The following TENT4A variants were observed in gnomAD, a reference collection of about 807,000 sequenced individuals.
TENT4A encodes the protein terminal nucleotidyltransferase 4A.
Under a neutral mutation model 72.8 loss-of-function variants are expected in TENT4A, and 7 were observed. The observed-to-expected ratio is 0.10, with a 90% CI of 0.05 to 0.18. The LOEUF is 0.18. Among genes scored for constraint, TENT4A ranks in the 10% least tolerant of loss-of-function variants. TENT4A has a pLI of 1.00. For missense variants in TENT4A, 831 were observed against 1,017.7 expected (o/e 0.82, Z 2.50); for synonymous variants, 456 against 434.3 (o/e 1.05, Z -0.62).
rs1740251642 is a variant in TENT4A, at chr5:6,714,390, C to T, written c.407C>T (p.Ala136Val). The change falls in exon 1 of 13, where the codon GCC becomes GTC. Residue 136 changes from alanine to valine, a missense_variant. By Grantham distance (64) the Ala-to-Val change is moderately conservative. Coordinates refer to ENST00000230859, the MANE Select transcript of TENT4A (RefSeq NM_006999.6). ...PGCSSSSSSS[A>V]SLGRPGGGRG... Reference sequence around the variant, plus strand: ...TGCTCGTCGTCGTCCTCCAGCAGCGCCTCGCTGGGCCGGCCGGGCGGCGGC... The same window carrying T: ...TGCTCGTCGTCGTCCTCCAGCAGCGTCTCGCTGGGCCGGCCGGGCGGCGGC... 1 of 1,134,154 alleles carries T rather than the reference C, an allele frequency of 8.8e-7. No individual in the cohort carries two copies. Among genetic ancestry groups the T allele is most frequent in the Non-Finnish European group, 1.1e-6 (1 of 926,584 alleles). The allele number at this position is 1,134,154 out of a possible 1,614,324, so 70.3% of individuals were successfully genotyped here.
intron 1 of TENT4A, among the ~76,000 whole-genome samples, chr5:6,735,539 T>C (rs181228005): frequency 1.2e-4 from 19 of 152,272 alleles, no homozygotes; most frequent in African/African-American, 4.6e-4. Flanking sequence ...TACTAAGTGG[T>C]AGGAAATTTT....
rs754031221 is a variant in TENT4A, at chr5:6,749,585, C to G, written c.1615C>G (p.Gln539Glu). 2 of 1,613,356 alleles carry G rather than the reference C, an allele frequency of 1.2e-6. No individual in the cohort carries two copies. The highest frequency in any genetic ancestry group is 2.7e-5 in the African/African-American group (2 of 74,880). The change falls in exon 9 of 13, where the codon CAG becomes GAG. Residue 539 changes from glutamine to glutamate, a missense_variant. Coordinates refer to ENST00000230859, the MANE Select transcript of TENT4A (RefSeq NM_006999.6). ...STLGRIIKVT[Q>E]EVIDYRRWIK... ...TTTAGGAAGAATCATCAAAGTAACT[C>G]AGGAGGTGATTGACTACCGGAGGTG...
At chr5:6,723,652 A>T (rs146975905) in intron 1 of TENT4A, among the ~76,000 whole-genome samples, 1 of 152,364 alleles carries the variant, frequency 6.6e-6, no homozygotes, top group Non-Finnish European at 1.5e-5. Flanking sequence ...CTAGCAACTC[A>T]TTCTACAAAC....
At position 6,746,315 on chromosome 5, in the gene TENT4A, C is replaced by T. The variant is rs146912645; in HGVS notation, c.1347C>T (p.Thr449=). The T allele has an allele frequency of 1.7e-4, 282 of 1,614,072 alleles. No homozygotes were observed. The East Asian group carries it at 2.1e-3, about 12-fold the overall frequency. ...LYGRNFNYLK[T]GIRIKEGGAY... ...GGAGAAATTTTAATTACTTGAAAACCGGTATTAGAATCAAAGAAGGAGGTG... is the reference window on the plus strand; with the variant it reads ...GGAGAAATTTTAATTACTTGAAAACTGGTATTAGAATCAAAGAAGGAGGTG... The change falls in exon 7 of 13, where the codon ACC becomes ACT. Residue 449 remains threonine (T), a synonymous_variant. Transcript: ENST00000230859.
chr5:6,748,978 G>A (rs568884729), intron 8 of TENT4A, among the ~76,000 whole-genome samples: 14 of 152,306 alleles, frequency 9.2e-5, no homozygotes, highest in African/African-American at 2.9e-4. Flanking sequence ...TCATTCTGTG[G>A]TAGTGGAAAG....
At chr5:6,746,162 C>A in intron 6 of TENT4A, 52 bp from the exon 7 acceptor site, 1 of 1,613,250 alleles carries the variant, frequency 6.2e-7, no homozygotes, top group Non-Finnish European at 8.5e-7. Flanking sequence ...GTGCTATTTT[C>A]TTTAGAACAT....
chr5:6,725,685 T>G (rs1464251895), intron 1 of TENT4A, among the ~76,000 whole-genome samples: 1 of 152,240 alleles, frequency 6.6e-6, no homozygotes, highest in Non-Finnish European at 1.5e-5. Flanking sequence ...ATCCGTGGTT[T>G]GTTTTTTAAA....
intron 11 of TENT4A, 39 bp downstream of exon 11, chr5:6,751,236 TG>T (rs1257711892): frequency 4.4e-6 from 7 of 1,608,260 alleles, no homozygotes; most frequent in Non-Finnish European, 6.0e-6. Context: ...TGGTGGCCCC[TG>T]GGAACAGCAT....
chr5:6,729,147 C>T (rs1323962751), intron 1 of TENT4A, among the ~76,000 whole-genome samples: 2 of 152,226 alleles, frequency 1.3e-5, no homozygotes, highest in East Asian at 3.8e-4. Flanking sequence ...CTGAGTGTGG[C>T]TTCCAGCTCA....
chr5:6,725,914 G>A (rs1740896749), intron 1 of TENT4A, among the ~76,000 whole-genome samples: 1 of 152,222 alleles, frequency 6.6e-6, no homozygotes, highest in South Asian at 2.1e-4. Flanking sequence ...TAGTTTCTAA[G>A]AGATACTGCT....
chr5:6,726,512 G>A (rs1328279635), intron 1 of TENT4A, among the ~76,000 whole-genome samples: 1 of 152,122 alleles, frequency 6.6e-6, no homozygotes, highest in African/African-American at 2.4e-5. Context: ...TGTGACTTGT[G>A]CCGTGCCACC....
intron 6 of TENT4A, among the ~76,000 whole-genome samples, chr5:6,744,611 T>C (rs1741984621): frequency 6.6e-6 from 1 of 152,228 alleles, no homozygotes; most frequent in African/African-American, 2.4e-5. Flanking sequence ...ATGAATGCTA[T>C]GATAGTAGAA....
chr5:6,748,450 C>A lies in TENT4A; in HGVS notation c.1460-14C>A, dbSNP rs1561044508. The A allele has an allele frequency of 6.2e-7, 1 of 1,613,852 alleles. No individual in the cohort carries two copies. The highest frequency in any genetic ancestry group is 1.1e-5 in the South Asian group (1 of 91,054). ...TGCATGTGGGGAGGGTCTGACATAG[C>A]CTTTTTGCTGCAGGGAATGACGTTG... On this transcript the variant is annotated splice_polypyrimidine_tract_variant and intron_variant, in intron 7 of 12. Transcript: ENST00000230859.
chr5:6,726,894 C>T (rs1317582002), intron 1 of TENT4A, among the ~76,000 whole-genome samples: 1 of 152,106 alleles, frequency 6.6e-6, no homozygotes, highest in East Asian at 1.9e-4. Context: ...GGGGGGTTTT[C>T]TCTTGAGTCT....
rs1482401373 is a variant in TENT4A, at chr5:6,713,640, A to C, written c.-344A>C. On this transcript the variant is annotated 5_prime_UTR_variant, in exon 1 of 13. Transcript: ENST00000230859. Reference sequence around the variant, plus strand: ...TCCGATGGCCTCTCCCCGCGGCCCGAGTGGAACGCCGCCGCCGCCGCGGCC... The same window carrying C: ...TCCGATGGCCTCTCCCCGCGGCCCGCGTGGAACGCCGCCGCCGCCGCGGCC... 24 of 143,254 alleles carry C rather than the reference A, an allele frequency of 1.7e-4. 1 individual carries two copies. In the South Asian group the frequency reaches 4.1e-3, roughly 24 times the overall value. The allele number at this position is 143,254 out of a possible 1,614,324, so 8.9% of individuals were successfully genotyped here.
intron 3 of TENT4A, among the ~76,000 whole-genome samples, chr5:6,739,129 T>C (rs1741668606): frequency 6.6e-6 from 1 of 152,242 alleles, no homozygotes; most frequent in Non-Finnish European, 1.5e-5. Context: ...TATTTTTACC[T>C]GATAGGAAAA....
At chr5:6,731,218 G>A (rs948079995) in intron 1 of TENT4A, among the ~76,000 whole-genome samples, 1 of 152,244 alleles carries the variant, frequency 6.6e-6, no homozygotes, top group African/African-American at 2.4e-5. Context: ...AGTTTTAAGG[G>A]TTTTGAAGGA....
chr5:6,736,272 T>C (rs1741488348), intron 1 of TENT4A, among the ~76,000 whole-genome samples: 1 of 152,160 alleles, frequency 6.6e-6, no homozygotes, highest in African/African-American at 2.4e-5. Flanking sequence ...GGCAATACTT[T>C]AGGTGACTGA....
At chr5:6,732,360 T>C (rs1009442694) in intron 1 of TENT4A, among the ~76,000 whole-genome samples, 1 of 152,260 alleles carries the variant, frequency 6.6e-6, no homozygotes, top group Non-Finnish European at 1.5e-5. Flanking sequence ...CCTGTTGTCA[T>C]CAATAGCTTT....
Sources: allele counts gnomAD v4.1 joint callset (sites outside exome capture counted in the v4.1 genomes callset), GRCh38; gene constraint gnomAD v4.1.1; transcripts MANE v1.5; gene names NCBI Gene and HGNC (gene_info 2026-07-23, HGNC 2026-07-21).